SPACA7: variants seen among roughly 807,000 people sequenced by gnomAD.
SPACA7 encodes sperm acrosome associated 7.
Under a neutral mutation model 26.3 loss-of-function variants are expected in SPACA7, and 19 were observed. That is an observed-to-expected ratio of 0.72 (90% CI 0.50 to 1.06). The LOEUF is 1.06. SPACA7 is among the 50% of genes least tolerant of loss of function. The pLI is 0.00. For synonymous variants in SPACA7, 84 were observed against 84.5 expected, an observed-to-expected ratio of 0.99 and a Z score of 0.04; for missense variants, 211 against 229.9, an observed-to-expected ratio of 0.92 and a Z score of 0.53.
intron 2 of SPACA7, among the ~76,000 whole-genome samples, chr13:112,395,194 G>A (rs1885157360): frequency 6.6e-6 from 1 of 152,236 alleles, no homozygotes; most frequent in Admixed American, 6.5e-5. Flanking sequence ...GGCTGCAGCT[G>A]GGTGTGCTGG....
At chr13:112,424,596 G>A (rs376753338) in intron 5 of SPACA7, among the ~76,000 whole-genome samples, 8 of 152,172 alleles carry the variant, frequency 5.3e-5, no homozygotes, top group African/African-American at 1.9e-4. Context: ...AAGAAATGGA[G>A]TCTGAATCTT....
chr13:112,429,175 A>C (rs575484814), intron 5 of SPACA7, among the ~76,000 whole-genome samples: 1 of 152,122 alleles, frequency 6.6e-6, no homozygotes, highest in African/African-American at 2.4e-5. Context: ...CCAGGAGTTC[A>C]AGACCAGCCT....
At chr13:112,384,753 T>G (rs1884420125) in intron 1 of SPACA7, among the ~76,000 whole-genome samples, 1 of 152,186 alleles carries the variant, frequency 6.6e-6, no homozygotes, top group Non-Finnish European at 1.5e-5. Flanking sequence ...AGCATGAGGC[T>G]AACTGACCTT....
intron 5 of SPACA7, among the ~76,000 whole-genome samples, chr13:112,409,434 C>A (rs201156143): frequency 4.0e-4 from 59 of 147,172 alleles, no homozygotes; most frequent in African/African-American, 5.6e-4. Context: ...AGGCAACCTG[C>A]AGAATGGGAG....
intron 5 of SPACA7, among the ~76,000 whole-genome samples, chr13:112,419,219 G>A (rs190437517): frequency 5.3e-5 from 8 of 152,248 alleles, no homozygotes; most frequent in African/African-American, 1.7e-4. Context: ...CCAAGCAGGA[G>A]GAAAACAGGT....
At chr13:112,400,499 C>T (rs1470086855) in intron 4 of SPACA7, among the ~76,000 whole-genome samples, 1 of 152,126 alleles carries the variant, frequency 6.6e-6, no homozygotes, top group Non-Finnish European at 1.5e-5. Context: ...ACATGGGCTA[C>T]TAGGGATTAC....
chr13:112,410,809 C>G (rs1297402550), intron 5 of SPACA7, among the ~76,000 whole-genome samples: 1 of 152,108 alleles, frequency 6.6e-6, no homozygotes, highest in East Asian at 1.9e-4. Context: ...GGTATACACC[C>G]AAAATAACTG....
At chr13:112,389,334 T>G (rs1261733053) in intron 1 of SPACA7, among the ~76,000 whole-genome samples, 1 of 152,240 alleles carries the variant, frequency 6.6e-6, no homozygotes, top group African/African-American at 2.4e-5. Flanking sequence ...AAAGCTACCA[T>G]CATCTCCAGT....
chr13:112,425,410 T>C (rs1876439255), intron 5 of SPACA7, among the ~76,000 whole-genome samples: 1 of 152,160 alleles, frequency 6.6e-6, no homozygotes, highest in African/African-American at 2.4e-5. Context: ...AGTTAGGAAA[T>C]GGGATGGCTT....
intron 5 of SPACA7, among the ~76,000 whole-genome samples, chr13:112,422,925 C>T (rs1316321509): frequency 6.6e-6 from 1 of 152,138 alleles, no homozygotes; most frequent in African/African-American, 2.4e-5. Flanking sequence ...TTGTCTATTT[C>T]AGAAAAATCA....
At chr13:112,400,988 T>G in intron 4 of SPACA7, 81 bp from the exon 5 acceptor site, 1 of 1,039,274 alleles carries the variant, frequency 9.6e-7, no homozygotes, top group East Asian at 2.4e-5. Context: ...CTTAGCATGT[T>G]TAAATAAATA....
intron 5 of SPACA7, among the ~76,000 whole-genome samples, chr13:112,432,113 G>A (rs1273201260): frequency 6.6e-6 from 1 of 152,220 alleles, no homozygotes; most frequent in African/African-American, 2.4e-5. Context: ...CACCAGCAGT[G>A]GGGAGCCCTT....
At chr13:112,380,644 C>T (rs939222501) in intron 1 of SPACA7, among the ~76,000 whole-genome samples, 8 of 152,142 alleles carry the variant, frequency 5.3e-5, no homozygotes, top group East Asian at 1.9e-4. Flanking sequence ...GCATTTTGTC[C>T]GGTTTTTTCT....
chr13:112,382,525 G>A (rs193215631), intron 1 of SPACA7: 35 of 1,549,038 alleles, frequency 2.3e-5, no homozygotes, highest in African/African-American at 2.7e-5. Flanking sequence ...CAGTGGAACC[G>A]TTTTGCAACT....
Position 112,405,788 on chromosome 13 carries a change from C to T in SPACA7, c.445+4624C>T, listed in dbSNP as rs931068686. 5.9e-5 allele frequency among the ~76,000 whole-genome samples: 9 copies of T among 152,058 alleles called. No individual in the cohort carries two copies. In the East Asian group the frequency reaches 1.5e-3, roughly 26 times the overall value. ...CTCTATTATAAATATTTTTCTGTGT[C>T]TCCTTGCATTTTCTGTAGTTTTTGC... On this transcript the variant is annotated intron_variant, in intron 5 of 6. Coordinates refer to ENST00000283550, the MANE Select transcript of SPACA7 (RefSeq NM_145248.5).
chr13:112,411,265 T>C (rs1267981291), intron 5 of SPACA7, among the ~76,000 whole-genome samples: 1 of 152,104 alleles, frequency 6.6e-6, no homozygotes, highest in Admixed American at 6.6e-5. Context: ...CTAATTCCCT[T>C]TTTTTCTTAT....
At chr13:112,430,172 C>CTGTGTGTGTGTGTGTGTG (rs1254393630) in intron 5 of SPACA7, among the ~76,000 whole-genome samples, 101 of 122,864 alleles carry the variant, frequency 8.2e-4, no homozygotes, top group South Asian at 1.8e-3. Context: ...GCATCTCTCT[C>CTGTGTGTGTGTGTGTGTG]TCTGTGTGTG....
chr13:112,382,494 G>T, intron 1 of SPACA7: 3 of 1,550,466 alleles, frequency 1.9e-6, no homozygotes, highest in Admixed American at 3.9e-5. Flanking sequence ...GTGGGAATGG[G>T]AATGAACCCC....
At chr13:112,427,461 G>A (rs1034232754) in intron 5 of SPACA7, among the ~76,000 whole-genome samples, 8 of 152,166 alleles carry the variant, frequency 5.3e-5, no homozygotes, top group African/African-American at 1.9e-4. Context: ...ATTTAATTCA[G>A]AATTTTTGCA....
Sources: allele counts gnomAD v4.1 joint callset (sites outside exome capture counted in the v4.1 genomes callset), GRCh38; gene constraint gnomAD v4.1.1; transcripts MANE v1.5; gene names NCBI Gene and HGNC (gene_info 2026-07-23, HGNC 2026-07-21).